Variants in SRP72 observed in about 807,000 individuals in gnomAD.
The protein encoded by SRP72 is signal recognition particle 72.
A neutral mutation model predicts 96.3 loss-of-function variants in SRP72; 49 were observed. The observed-to-expected ratio is 0.51, with a 90% CI of 0.40 to 0.65. SRP72 has a LOEUF of 0.65. Among genes scored for constraint, SRP72 ranks in the 30% least tolerant of loss-of-function variants. The probability of loss-of-function intolerance (pLI) is 0.00; values close to 1 mark genes in which losing one functional copy is unlikely to be tolerated. For synonymous variants in SRP72, 267 were observed against 275.2 expected, an observed-to-expected ratio of 0.97 and a Z score of 0.30; for missense variants, 736 against 793.3, an observed-to-expected ratio of 0.93 and a Z score of 0.87.
chr4:56,473,949 G>A (rs1422338325), intron 3 of SRP72, 105 bp from the exon 4 acceptor site: 1 of 1,083,898 alleles, frequency 9.2e-7, no homozygotes, highest in African/African-American at 1.6e-5. Context: ...TTCATGTTAT[G>A]CTGAACTAGG....
At chr4:56,477,360 T>TGG (rs1720285957) in intron 6 of SRP72, among the ~76,000 whole-genome samples, 1 of 147,724 alleles carries the variant, frequency 6.8e-6, no homozygotes, top group African/African-American at 2.5e-5. Context: ...GCTGGATTGC[T>TGG]GTGATATGAT....
At chr4:56,496,202 A>G (rs1028312488) in intron 17 of SRP72, among the ~76,000 whole-genome samples, 1 of 152,182 alleles carries the variant, frequency 6.6e-6, no homozygotes, top group Non-Finnish European at 1.5e-5. Flanking sequence ...TGAGGAATCT[A>G]TCATATAAAT....
intron 1 of SRP72, among the ~76,000 whole-genome samples, chr4:56,467,983 C>T (rs995311888): frequency 2.0e-5 from 3 of 152,242 alleles, no homozygotes; most frequent in Non-Finnish European, 4.4e-5. Context: ...TCTCTTTTTA[C>T]CCTCCGCGGG....
At chr4:56,478,353 A>G (rs1327395854) in intron 6 of SRP72, 26 bp from the exon 7 acceptor site, 3 of 1,542,480 alleles carry the variant, frequency 1.9e-6, no homozygotes, top group African/African-American at 1.4e-5. Flanking sequence ...GAAAATTTAT[A>G]TGGGAAAAAC....
chr4:56,470,730 T>C (rs1400546824), intron 2 of SRP72, among the ~76,000 whole-genome samples: 2 of 152,176 alleles, frequency 1.3e-5, no homozygotes, highest in African/African-American at 4.8e-5. Context: ...TTTTCTCCTA[T>C]TAAATATGTT....
Position 56,476,661 on chromosome 4 carries a change from T to C in SRP72, c.611-10T>C, listed in dbSNP as rs1181694922. On this transcript the variant is annotated splice_polypyrimidine_tract_variant and intron_variant, in intron 5 of 18. Transcript: ENST00000642900. ...GCAATACTACTTTTAAAACAATTTT[T>C]CTCCTGTAGATCTTTGCCGCCGTTC... The C allele has an allele frequency of 1.2e-6, 2 of 1,612,154 alleles. No homozygotes were observed. Among genetic ancestry groups the C allele is most frequent in the Admixed American group, 3.3e-5 (2 of 59,898 alleles).
intron 11 of SRP72, among the ~76,000 whole-genome samples, chr4:56,487,601 G>A (rs12508008): frequency 0.2 from 30,051 of 152,034 alleles, 3,333 homozygotes; most frequent in Admixed American, 0.35. Context: ...ATATTTCAAG[G>A]CCTTTAGGGA....
chr4:56,475,075 T>C (rs1720153221), intron 5 of SRP72, among the ~76,000 whole-genome samples: 1 of 152,220 alleles, frequency 6.6e-6, no homozygotes, highest in South Asian at 2.1e-4. Context: ...CATAAATTTT[T>C]CCCTGGAAGC....
At chr4:56,501,278 C>T (rs138079820) in intron 18 of SRP72, among the ~76,000 whole-genome samples, 2,583 of 151,892 alleles carry the variant, frequency 0.017, 30 homozygotes, top group Non-Finnish European at 0.028. Flanking sequence ...TGTGGTAGTG[C>T]GCACCTGTAA....
Position 56,491,447 on chromosome 4 carries a change from C to T in SRP72, c.1519C>T (p.Pro507Ser). The change falls in exon 16 of 19, where the codon CCA (proline) becomes TCA (serine). Residue 507 changes from proline (P) to serine (S), a missense_variant. Pro to Ser is a moderately conservative substitution (Grantham distance 74). This residue lies in a region of SRP72 where 388 missense variants were observed against 431.8 expected (regional missense o/e 0.90). Transcript: ENST00000642900. ...CTATCACAGTCTTAGTAAACACTTG[C>T]CATCGTCAGATAGTATGTCTCTAAA... Reference protein sequence around the residue: ...EKAKALSKHLPSSDSMSLKVD... With the variant: ...EKAKALSKHLSSSDSMSLKVD... The T allele has an allele frequency of 6.2e-7, 1 of 1,613,646 alleles. No homozygotes were observed. The highest frequency in any genetic ancestry group is 1.1e-5 in the South Asian group (1 of 91,024).
Position 56,499,324 on chromosome 4 carries a change from A to G in SRP72, c.1679-1212A>G, listed in dbSNP as rs559028371. Reference sequence around the variant, plus strand: ...CATTCAGGACATAGGCATGGGCAAGAACTTCATGACTAAAACCCCAAAAGC... The same window carrying G: ...CATTCAGGACATAGGCATGGGCAAGGACTTCATGACTAAAACCCCAAAAGC... On this transcript the variant is annotated intron_variant, in intron 17 of 18. Transcript: ENST00000642900. Among the ~76,000 whole-genome samples, 116 of 152,320 alleles carry G rather than the reference A, an allele frequency of 7.6e-4. 1 individual carries two copies. The highest frequency in any genetic ancestry group is 2.8e-3 in the African/African-American group (115 of 41,580).
chr4:56,468,252 A>G (rs2110109370), intron 1 of SRP72, among the ~76,000 whole-genome samples: 1 of 152,226 alleles, frequency 6.6e-6, no homozygotes, highest in South Asian at 2.1e-4. Flanking sequence ...CTACGGGGCG[A>G]GAGGAAAGGG....
chr4:56,479,454 CAGGCGTG>C (rs1720386850), intron 8 of SRP72, among the ~76,000 whole-genome samples: 1 of 152,020 alleles, frequency 6.6e-6, no homozygotes. Context: ...GCTGGGATTA[CAGGCGTG>C]AGCCACCGTG....
chr4:56,476,833 C>A (rs189042248), intron 6 of SRP72, 131 bp downstream of exon 6: 1 of 863,010 alleles, frequency 1.2e-6, no homozygotes, highest in South Asian at 1.7e-5. Flanking sequence ...ACACTAGAAA[C>A]CACCCTCTAG....
Position 56,471,854 on chromosome 4 carries a change from C to G in SRP72, c.354+11C>G. 3 of 1,613,358 alleles carry G rather than the reference C, an allele frequency of 1.9e-6. No homozygotes were observed. The highest frequency in any genetic ancestry group is 2.5e-6 in the Non-Finnish European group (3 of 1,179,658). ...CTTTATGGACAAGTGGTAATTACTG[C>G]TTTTAAATACATGTTGACAGTGATA... On this transcript the variant is annotated intron_variant, in intron 3 of 18. Transcript: ENST00000642900.
Position 56,502,939 on chromosome 4 carries a change from T to G in SRP72, c.*1078T>G, listed in dbSNP as rs1464785774. 2 of 152,204 alleles carry G rather than the reference T, an allele frequency of 1.3e-5. No individual in the cohort carries two copies. Among genetic ancestry groups the G allele is most frequent in the Non-Finnish European group, 2.9e-5 (2 of 68,030 alleles). 9.4% of individuals were successfully genotyped at this position (152,204 alleles called of 1,614,324 possible). A position where few individuals can be genotyped will look rare whatever the true frequency, so the allele number is the denominator to read the frequency against. On this transcript the variant is annotated 3_prime_UTR_variant, in exon 19 of 19. Transcript: ENST00000642900. ...CCTTGCTTACAAACTACTTTCACAT[T>G]GAACAGCTGTGAGACAGACATATTG...
chr4:56,491,551 T>G lies in SRP72; in HGVS notation c.1623T>G (p.Ser541Arg), dbSNP rs940389574. The G allele has an allele frequency of 2.5e-6, 4 of 1,613,822 alleles. No individual in the cohort carries two copies. The highest frequency in any genetic ancestry group is 3.4e-6 in the Non-Finnish European group (4 of 1,179,840). Residue 541 changes from serine (S) to arginine (R), a missense_variant, in exon 16 of 19, where the codon AGT (serine) becomes AGG (arginine). By Grantham distance (110) the Ser-to-Arg change is moderately radical. This residue lies in a region of SRP72 where 388 missense variants were observed against 431.8 expected (regional missense o/e 0.90). Transcript: ENST00000642900. ...AGGGTGGAAAAGTTACTGGAGATAG[T>G]CAACCAAAGGAACAAGGGTAATATT... ...RKKGGKVTGD[S>R]QPKEQGQGDL...
intron 17 of SRP72, among the ~76,000 whole-genome samples, chr4:56,497,135 T>G (rs1721098707): frequency 6.6e-6 from 1 of 152,148 alleles, no homozygotes; most frequent in African/African-American, 2.4e-5. Flanking sequence ...TGTTTTAATC[T>G]TCTACTTTAG....
chr4:56,471,640 T>C, intron 2 of SRP72, 80 bp from the exon 3 acceptor site: 1 of 1,487,720 alleles, frequency 6.7e-7, no homozygotes. Context: ...CTAAATCCAG[T>C]GTTTAGAGTG....
Sources: gnomAD v4.1 joint callset for allele counts (sites outside exome capture counted in the v4.1 genomes callset) on GRCh38, gnomAD v4.1.1 for gene constraint, gnomAD v4.1.1 regional missense constraint, MANE v1.5 for transcripts, NCBI Gene and HGNC (gene_info 2026-07-23, HGNC 2026-07-21) for gene names.